ROBO1: variants seen among roughly 807,000 people sequenced by gnomAD.
The protein encoded by ROBO1 is roundabout guidance receptor 1.
In ROBO1, 149 loss-of-function variants were observed where a neutral mutation model predicts 195.9. The ratio of observed to expected loss-of-function variants is 0.76; its 90% confidence interval spans 0.67 to 0.87. The LOEUF is 0.87. Ranked by LOEUF, ROBO1 falls within the 40% of genes least tolerant of loss-of-function variation. ROBO1 has a pLI of 0.00. For missense variants in ROBO1, 1,933 were observed against 2,068.3 expected, an observed-to-expected ratio of 0.93 and a Z score of 1.27; for synonymous variants, 816 against 733.2, an observed-to-expected ratio of 1.11 and a Z score of -1.82.
intron 8 of ROBO1, among the ~76,000 whole-genome samples, chr3:78,701,427 C>T (rs1041262423): frequency 1.2e-4 from 19 of 152,140 alleles, no homozygotes; most frequent in African/African-American, 4.6e-4. Context: ...TCACTGTAAA[C>T]GTCAAAGGCA....
intron 4 of ROBO1, among the ~76,000 whole-genome samples, chr3:78,934,655 T>A (rs1292762484): frequency 1.3e-5 from 2 of 151,944 alleles, no homozygotes; most frequent in African/African-American, 4.8e-5. Flanking sequence ...GGTGCTGATA[T>A]CTCAGAACTC....
At chr3:78,794,164 G>C (rs2084112289) in intron 4 of ROBO1, among the ~76,000 whole-genome samples, 1 of 152,192 alleles carries the variant, frequency 6.6e-6, no homozygotes, top group Admixed American at 6.5e-5. Context: ...CCTACTGTCT[G>C]GGCTGGATCC....
At chr3:79,683,867 T>A (rs1185268907) in intron 1 of ROBO1, among the ~76,000 whole-genome samples, 1 of 152,144 alleles carries the variant, frequency 6.6e-6, no homozygotes, top group Non-Finnish European at 1.5e-5. Flanking sequence ...ACATTTAGGT[T>A]ATTTCTAATA....
chr3:78,876,234 A>G (rs889794889), intron 4 of ROBO1, among the ~76,000 whole-genome samples: 1 of 152,156 alleles, frequency 6.6e-6, no homozygotes, highest in African/African-American at 2.4e-5. Context: ...AAAGAAAGAT[A>G]AATTTTATAG....
At chr3:79,412,400 T>C (rs2037806176) in intron 2 of ROBO1, among the ~76,000 whole-genome samples, 1 of 152,144 alleles carries the variant, frequency 6.6e-6, no homozygotes, top group Admixed American at 6.6e-5. Flanking sequence ...GGAAAAGCTG[T>C]GATTTCAGCA....
chr3:79,107,160 C>CACACACAT (rs1559663881), intron 3 of ROBO1, among the ~76,000 whole-genome samples: 4 of 150,306 alleles, frequency 2.7e-5, no homozygotes, highest in African/African-American at 9.8e-5. Flanking sequence ...CACACACACA[C>CACACACAT]ACCACTTGGC....
At chr3:79,293,787 G>C (rs1332739986) in intron 2 of ROBO1, among the ~76,000 whole-genome samples, 1 of 151,978 alleles carries the variant, frequency 6.6e-6, no homozygotes. Flanking sequence ...GGCCGGGCGC[G>C]GTGGCTCATG....
At chr3:79,496,596 C>A (rs1190172877) in intron 2 of ROBO1, among the ~76,000 whole-genome samples, 1 of 149,034 alleles carries the variant, frequency 6.7e-6, no homozygotes, top group African/African-American at 2.5e-5. Flanking sequence ...ACCTTGTTAG[C>A]CAGGATGGTC....
chr3:78,913,850 C>A (rs146812365), intron 4 of ROBO1, among the ~76,000 whole-genome samples: 1 of 152,044 alleles, frequency 6.6e-6, no homozygotes, highest in Admixed American at 6.6e-5. Context: ...AAGACAGAGC[C>A]CTTTTATGTG....
chr3:78,830,824 A>G (rs1239401060), intron 4 of ROBO1, among the ~76,000 whole-genome samples: 1 of 152,196 alleles, frequency 6.6e-6, no homozygotes, highest in Non-Finnish European at 1.5e-5. Flanking sequence ...CACGGCTTGG[A>G]TAATTACTGA....
At chr3:79,178,682 A>G (rs2108724786) in intron 2 of ROBO1, among the ~76,000 whole-genome samples, 1 of 152,350 alleles carries the variant, frequency 6.6e-6, no homozygotes, top group East Asian at 1.9e-4. Flanking sequence ...GGGTTAATTT[A>G]CTGCCAGGAG....
intron 1 of ROBO1, among the ~76,000 whole-genome samples, chr3:79,751,299 A>C (rs914192344): frequency 3.9e-5 from 6 of 152,324 alleles, no homozygotes; most frequent in African/African-American, 1.4e-4. Context: ...TCTTGAATAC[A>C]TGTAAATTCA....
intron 10 of ROBO1, among the ~76,000 whole-genome samples, chr3:78,676,822 G>T (rs1708464747): frequency 6.6e-6 from 1 of 152,114 alleles, no homozygotes; most frequent in African/African-American, 2.4e-5. Flanking sequence ...GAAATACAGA[G>T]AACGCCACAA....
rs564513895 is a variant in ROBO1 at position 79,109,084 on chromosome 3, G to A, written c.172+16372C>T. On this transcript the variant is annotated intron_variant, in intron 3 of 30. Coordinates refer to ENST00000464233, the MANE Select transcript of ROBO1 (RefSeq NM_002941.4). ...ACTGTATCTTTAAAACTAAGGTCAT[G>A]TCTGATCTGAATGGATGTTTAAAAT... Among the ~76,000 whole-genome samples, 243 of 151,566 alleles carry A rather than the reference G, an allele frequency of 1.6e-3. 2 individuals are homozygous for A. Among genetic ancestry groups the A allele is most frequent in the African/African-American group, 5.4e-3 (222 of 41,386 alleles).
intron 2 of ROBO1, among the ~76,000 whole-genome samples, chr3:79,317,505 A>G (rs1318504553): frequency 6.6e-6 from 1 of 152,072 alleles, no homozygotes; most frequent in Non-Finnish European, 1.5e-5. Flanking sequence ...ATTTGTCCCA[A>G]CTGTCTACAG....
At chr3:79,715,008 A>T (rs987032227) in intron 1 of ROBO1, among the ~76,000 whole-genome samples, 1 of 151,956 alleles carries the variant, frequency 6.6e-6, no homozygotes, top group Admixed American at 6.6e-5. Flanking sequence ...TAATAATAAA[A>T]TTTTTTAAAA....
chr3:79,582,992 A>C (rs1943707089), intron 2 of ROBO1, among the ~76,000 whole-genome samples: 1 of 151,978 alleles, frequency 6.6e-6, no homozygotes, highest in Admixed American at 6.6e-5. Flanking sequence ...GCTTGTTTAC[A>C]AGATCTGTGA....
At chr3:79,429,036 G>T (rs2038566891) in intron 2 of ROBO1, among the ~76,000 whole-genome samples, 1 of 152,126 alleles carries the variant, frequency 6.6e-6, no homozygotes, top group South Asian at 2.1e-4. Context: ...TATGGTGGTG[G>T]TTACATCACT....
At chr3:79,340,354 C>G (rs752739051) in intron 2 of ROBO1, among the ~76,000 whole-genome samples, 1 of 152,138 alleles carries the variant, frequency 6.6e-6, no homozygotes, top group Non-Finnish European at 1.5e-5. Context: ...CTTTTGTGAT[C>G]CTTTTCTTTC....
Sources: allele counts gnomAD v4.1 joint callset (sites outside exome capture counted in the v4.1 genomes callset), GRCh38; gene constraint gnomAD v4.1.1; transcripts MANE v1.5; gene names NCBI Gene and HGNC (gene_info 2026-07-23, HGNC 2026-07-21).